Variants in UBE2E1 observed in about 807,000 individuals in gnomAD.
UBE2E1 encodes ubiquitin conjugating enzyme E2 E1.
In UBE2E1, 6 loss-of-function variants were observed where a neutral mutation model predicts 21.4. That is an observed-to-expected ratio of 0.28 (90% CI 0.15 to 0.55). The LOEUF (loss-of-function observed/expected upper bound fraction) is 0.55, where lower values mean the gene tolerates loss of function less well. Among genes scored for constraint, UBE2E1 ranks in the 20% least tolerant of loss-of-function variants. The pLI is 0.93. For synonymous variants in UBE2E1, 87 were observed against 82.7 expected, an observed-to-expected ratio of 1.05 and a Z score of -0.28; for missense variants, 142 against 236.5, an observed-to-expected ratio of 0.60 and a Z score of 2.62.
intron 3 of UBE2E1, among the ~76,000 whole-genome samples, chr3:23,860,707 T>TA (rs1700535577): frequency 6.6e-6 from 1 of 152,228 alleles, no homozygotes; most frequent in Non-Finnish European, 1.5e-5. Flanking sequence ...TTATTTGCTA[T>TA]AAGCCATAAA....
intron 3 of UBE2E1, among the ~76,000 whole-genome samples, chr3:23,885,522 A>G (rs1487369527): frequency 6.6e-6 from 1 of 152,220 alleles, no homozygotes. Flanking sequence ...CTATGAAGTC[A>G]TCTTTTTTAA....
chr3:23,890,368 C>G (rs188882769), intron 5 of UBE2E1, 141 bp from the exon 6 acceptor site: 7 of 656,354 alleles, frequency 1.1e-5, no homozygotes, highest in Non-Finnish European at 7.5e-6. Context: ...GGAAAAATAT[C>G]CAGCATGGTG....
rs553333871 is a variant in UBE2E1 at position 23,887,754 on chromosome 3, T to C, written c.336+55T>C. The C allele has an allele frequency of 1.2e-5, 19 of 1,551,712 alleles. No homozygotes were observed. The East Asian group carries it at 4.3e-4, about 35-fold the overall frequency. ...ACTAATTCCCACAAGAGAGCAACTG[T>C]TGAGGTTTTTCTAAATTTAATTTTT... On this transcript the variant is annotated intron_variant, in intron 4 of 5. Coordinates refer to ENST00000306627, the MANE Select transcript of UBE2E1 (RefSeq NM_003341.5). This position sits in a 1 kb window ranked among gnomAD's most constrained non-coding sequence, Gnocchi z 4.4.
In UBE2E1 at chr3:23,858,671, T is replaced by C. The variant is rs72627032; in HGVS notation, c.204-28896T>C. Among the ~76,000 whole-genome samples, 547 of 152,218 alleles carry C rather than the reference T, an allele frequency of 3.6e-3. 16 individuals carry two copies. The East Asian group carries it at 0.049, about 14-fold the overall frequency. ...ACCTTTATATTGAGTAAATTAAAATTTATGAAAAAAATGTAATGCTTTCTC... is the reference window on the plus strand; with the variant it reads ...ACCTTTATATTGAGTAAATTAAAATCTATGAAAAAAATGTAATGCTTTCTC... On this transcript the variant is annotated intron_variant, in intron 3 of 5. Transcript: ENST00000306627.
intron 3 of UBE2E1, among the ~76,000 whole-genome samples, chr3:23,881,957 T>C (rs903013272): frequency 1.2e-4 from 18 of 151,042 alleles, no homozygotes; most frequent in African/African-American, 4.2e-4. Context: ...CCGTCCGGAG[T>C]TGTTTATTCC....
rs542417121 is a variant in UBE2E1, at chr3:23,863,839, T to C, written c.204-23728T>C. Reference sequence around the variant, plus strand: ...ACCACCGCGCCCAGCCTGAATTTTATCTTTTTTGAAGAAATCTCTCCCCAG... The same window carrying C: ...ACCACCGCGCCCAGCCTGAATTTTACCTTTTTTGAAGAAATCTCTCCCCAG... On this transcript the variant is annotated intron_variant, in intron 3 of 5. Transcript: ENST00000306627. The surrounding 1 kb of genome is among the most constrained non-coding windows in gnomAD (Gnocchi z 4.3). Among the ~76,000 whole-genome samples, 3 of 152,276 alleles carry C rather than the reference T, an allele frequency of 2.0e-5. No homozygotes were observed. Among genetic ancestry groups the C allele is most frequent in the African/African-American group, 7.2e-5 (3 of 41,566 alleles).
chr3:23,814,542 T>G (rs964435248), intron 3 of UBE2E1, among the ~76,000 whole-genome samples: 2 of 152,228 alleles, frequency 1.3e-5, no homozygotes, highest in African/African-American at 4.8e-5. Context: ...CAACTCACTC[T>G]TCATTTTGGT....
rs1700366137 is a variant in UBE2E1, at chr3:23,853,313, T to C, written c.204-34254T>C. On this transcript the variant is annotated intron_variant, in intron 3 of 5. Transcript: ENST00000306627. This position sits in a 1 kb window ranked among gnomAD's most constrained non-coding sequence, Gnocchi z 4.1. ...AAAAAATGAAAAATAAAATAAGTAG[T>C]AGTGAGGGTGGACATGTTTGTCTTG... 6.6e-6 allele frequency among the ~76,000 whole-genome samples: 1 copy of C among 152,240 alleles called. No homozygotes were observed. The highest frequency in any genetic ancestry group is 2.1e-4 in the South Asian group (1 of 4,832).
chr3:23,865,374 G>A (rs911354095), intron 3 of UBE2E1, among the ~76,000 whole-genome samples: 2 of 152,098 alleles, frequency 1.3e-5, no homozygotes, highest in African/African-American at 4.8e-5. Context: ...TTTTGAGATG[G>A]AGTTTCACTC....
chr3:23,885,489 T>C (rs540991700), intron 3 of UBE2E1, among the ~76,000 whole-genome samples: 1 of 152,308 alleles, frequency 6.6e-6, no homozygotes, highest in African/African-American at 2.4e-5. Flanking sequence ...CTTGTGAAAA[T>C]TGCCATCAGA....
intron 3 of UBE2E1, among the ~76,000 whole-genome samples, chr3:23,838,678 G>T (rs1252577076): frequency 6.6e-6 from 1 of 151,926 alleles, no homozygotes; most frequent in East Asian, 1.9e-4. Context: ...TGTATTTTTA[G>T]TAGAAATGGA....
In UBE2E1 at chr3:23,889,503, C is replaced by T. The variant is rs376107068; in HGVS notation, c.484+244C>T. The T allele has an allele frequency of 8.4e-5, 116 of 1,378,548 alleles. 2 individuals are homozygous for T. The highest frequency in any genetic ancestry group is 4.1e-4 in the East Asian group (15 of 36,296). The allele number at this position is 1,378,548 out of a possible 1,614,324, so 85.4% of individuals were successfully genotyped here. On this transcript the variant is annotated intron_variant, in intron 5 of 5. Coordinates refer to ENST00000306627, the MANE Select transcript of UBE2E1 (RefSeq NM_003341.5). ...AAGACTGACGTAAGTTTGCCTTGGG[C>T]TTTTAGTTTCAATTATTCTTCCTCC...
Position 23,887,338 on chromosome 3 carries a change from G to T in UBE2E1, c.204-229G>T, listed in dbSNP as rs1211799911. Among the ~76,000 whole-genome samples the T allele has an allele frequency of 6.6e-6, 1 of 152,166 alleles. No homozygotes were observed. The highest frequency in any genetic ancestry group is 1.5e-5 in the Non-Finnish European group (1 of 68,024). Reference sequence around the variant, plus strand: ...ATTGAGGAAAGTTTCCTGCTTATTCGTAGCTAGGTAGGCTTAGAATGGTTT... The same window carrying T: ...ATTGAGGAAAGTTTCCTGCTTATTCTTAGCTAGGTAGGCTTAGAATGGTTT... On this transcript the variant is annotated intron_variant, in intron 3 of 5. Transcript: ENST00000306627. The surrounding 1 kb of genome is among the most constrained non-coding windows in gnomAD (Gnocchi z 4.4).
At chr3:23,821,592 A>G (rs1699646780) in intron 3 of UBE2E1, among the ~76,000 whole-genome samples, 2 of 152,180 alleles carry the variant, frequency 1.3e-5, no homozygotes, top group Admixed American at 6.5e-5. Flanking sequence ...GGATTAAGGT[A>G]GTGGCAGTGG....
chr3:23,869,933 CTA>C (rs1042701282), intron 3 of UBE2E1, among the ~76,000 whole-genome samples: 3 of 152,046 alleles, frequency 2.0e-5, no homozygotes, highest in African/African-American at 7.2e-5. Context: ...ACAAAAACCA[CTA>C]TTTTTTATTA....
chr3:23,860,754 A>G (rs1229078390), intron 3 of UBE2E1, among the ~76,000 whole-genome samples: 1 of 152,202 alleles, frequency 6.6e-6, no homozygotes, highest in Non-Finnish European at 1.5e-5. Flanking sequence ...ATGAAGCCTT[A>G]TTTTTTAACT....
At chr3:23,824,531 C>T (rs1205090293) in intron 3 of UBE2E1, among the ~76,000 whole-genome samples, 2 of 152,162 alleles carry the variant, frequency 1.3e-5, no homozygotes, top group Non-Finnish European at 1.5e-5. Context: ...AACTTTCTAT[C>T]TGAATGTAAG....
intron 3 of UBE2E1, among the ~76,000 whole-genome samples, chr3:23,839,641 C>G (rs1700043744): frequency 6.6e-6 from 1 of 151,878 alleles, no homozygotes; most frequent in African/African-American, 2.4e-5. Flanking sequence ...CTGCTGGTGA[C>G]AAATTCTTTG....
intron 3 of UBE2E1, among the ~76,000 whole-genome samples, chr3:23,833,982 AAAAAAT>A (rs1229028637): frequency 6.6e-6 from 1 of 152,204 alleles, no homozygotes; most frequent in African/African-American, 2.4e-5. Context: ...CTGTCTCAAA[AAAAAAT>A]AAAAATAAAA....
Sources: allele counts gnomAD v4.1 joint callset (sites outside exome capture counted in the v4.1 genomes callset), GRCh38; gene constraint gnomAD v4.1.1; non-coding constraint Gnocchi (gnomAD v3.1); transcripts MANE v1.5; gene names NCBI Gene and HGNC (gene_info 2026-07-23, HGNC 2026-07-21).